HDAC4: variants seen among roughly 807,000 people sequenced by gnomAD.
The protein encoded by HDAC4 is histone deacetylase A.
Under a neutral mutation model 135.1 loss-of-function variants are expected in HDAC4, and 16 were observed. The ratio of observed to expected loss-of-function variants is 0.12; its 90% CI spans 0.08 to 0.18. The LOEUF is 0.18. HDAC4 is among the 10% of genes least tolerant of loss of function. The probability of loss-of-function intolerance (pLI) is 1.00; values close to 1 mark genes in which losing one functional copy is unlikely to be tolerated. For synonymous variants in HDAC4, 685 were observed against 653.4 expected, an observed-to-expected ratio of 1.05 and a Z score of -0.74; for missense variants, 1,143 against 1,511.8, an observed-to-expected ratio of 0.76 and a Z score of 4.05.
intron 2 of HDAC4, among the ~76,000 whole-genome samples, chr2:239,330,151 G>A (rs901327682): frequency 1.1e-4 from 17 of 152,254 alleles, no homozygotes; most frequent in African/African-American, 2.9e-4. Context: ...GCCGGAGGCC[G>A]TATGCAGGCC....
At chr2:239,186,302 T>C (rs966460307) in intron 4 of HDAC4, among the ~76,000 whole-genome samples, 5 of 152,250 alleles carry the variant, frequency 3.3e-5, no homozygotes, top group African/African-American at 1.2e-4. Context: ...AATTCACTGA[T>C]GATTTAATGA....
intron 2 of HDAC4, among the ~76,000 whole-genome samples, chr2:239,269,394 T>C (rs1347823973): frequency 1.3e-5 from 2 of 152,120 alleles, no homozygotes; most frequent in Non-Finnish European, 2.9e-5. Flanking sequence ...ATATTGTACA[T>C]TGTCTGTGTG....
chr2:239,089,904 G>A (rs2036342511), intron 18 of HDAC4, 105 bp downstream of exon 18: 2 of 847,996 alleles, frequency 2.4e-6, no homozygotes, highest in South Asian at 1.3e-5. Flanking sequence ...CATCACAGCC[G>A]CCTCCCAGCC....
Position 239,068,082 on chromosome 2 carries a change from C to G in HDAC4, c.2869+407G>C, listed in dbSNP as rs1015154998. Among the ~76,000 whole-genome samples the G allele has an allele frequency of 6.6e-6, 1 of 152,220 alleles. No individual in the cohort carries two copies. Among genetic ancestry groups the G allele is most frequent in the Non-Finnish European group, 1.5e-5 (1 of 68,038 alleles). ...ACATCCTGGGCTCCCTCATCCAACT[C>G]TGAACTCAACTGTGCCCCCAGCAAC... On this transcript the variant is annotated intron_variant, in intron 23 of 26. Transcript: ENST00000543185. This position sits in a 1 kb window ranked among gnomAD's most constrained non-coding sequence, Gnocchi z 4.4.
In HDAC4 at chr2:239,081,146, G is replaced by C. The variant is rs752565391; in HGVS notation, c.2699C>G (p.Thr900Ser). 1 of 1,614,052 alleles carries C rather than the reference G, an allele frequency of 6.2e-7. No individual in the cohort carries two copies. Among genetic ancestry groups the C allele is most frequent in the Non-Finnish European group, 8.5e-7 (1 of 1,180,040 alleles). Residue 900 changes from threonine (T) to serine (S), a missense_variant, in exon 22 of 27, where the codon ACC becomes AGC. Physicochemically the swap from Thr to Ser is moderately conservative, Grantham distance 58. Around this residue, in one of 9 missense-constraint regions of HDAC4, gnomAD observed 189 missense variants for 317.6 expected, o/e 0.60. Coordinates refer to ENST00000543185, the MANE Select transcript of HDAC4 (RefSeq NM_001378414.1). The part of the protein sequence containing the change: ...GVGFNVNMAF[T>S]GGLDPPMGDA... ...TCCCATGGGGGGGTCCAGGCCGCCG[G>C]TGAAAGCCATGTTGACGTTGAAACC...
chr2:239,144,600 C>T lies in HDAC4; in HGVS notation c.848G>A (p.Arg283His), dbSNP rs115358346. 1.6e-5 allele frequency: 26 copies of T among 1,613,986 alleles called. No homozygotes were observed. Among genetic ancestry groups the T allele is most frequent in the African/African-American group, 6.7e-5 (5 of 74,938 alleles). Residue 283 changes from arginine (R) to histidine (H), a missense_variant, in exon 8 of 27, where the codon CGT becomes CAT. By Grantham distance (29) the Arg-to-His change is conservative. This residue lies in a region of HDAC4 where 272 missense variants were observed against 309.7 expected (regional missense o/e 0.88). Transcript: ENST00000543185. ...CGACATACCTGTGACATCCAACGGA[C>T]GCTTTTTTAGAGCAGTGACCACTGG... Reference protein sequence around the residue: ...DGPVVTALKKRPLDVTDSACS... With the variant: ...DGPVVTALKKHPLDVTDSACS...
chr2:239,165,590 C>T (rs538036791), intron 5 of HDAC4, among the ~76,000 whole-genome samples: 150 of 152,228 alleles, frequency 9.9e-4, no homozygotes, highest in African/African-American at 3.4e-3. Flanking sequence ...CCTGGTTCGG[C>T]CTCGCATGAG....
chr2:239,263,088 G>A (rs1437330485), intron 2 of HDAC4, among the ~76,000 whole-genome samples: 2 of 152,150 alleles, frequency 1.3e-5, no homozygotes, highest in Non-Finnish European at 2.9e-5. Flanking sequence ...CTGCTGCGGC[G>A]GTGACACAGG....
At chr2:239,327,143 G>A (rs1287964239) in intron 2 of HDAC4, among the ~76,000 whole-genome samples, 3 of 152,240 alleles carry the variant, frequency 2.0e-5, no homozygotes, top group African/African-American at 7.2e-5. Flanking sequence ...AAGAGCCTGG[G>A]GTCAGAAGGC....
At chr2:239,174,359 G>C (rs1034527861) in intron 5 of HDAC4, among the ~76,000 whole-genome samples, 71 of 152,046 alleles carry the variant, frequency 4.7e-4, no homozygotes, top group African/African-American at 1.6e-3. Context: ...AAATGGGCAA[G>C]AGACTGGAAC....
At chr2:239,260,156 C>T (rs192023749) in intron 2 of HDAC4, among the ~76,000 whole-genome samples, 59 of 152,318 alleles carry the variant, frequency 3.9e-4, no homozygotes, top group Non-Finnish European at 7.6e-4. Context: ...TCCCATCCAA[C>T]GGAAGCCCCT....
intron 2 of HDAC4, among the ~76,000 whole-genome samples, chr2:239,321,897 GTTC>G (rs2053328989): frequency 1.3e-5 from 2 of 152,170 alleles, no homozygotes; most frequent in South Asian, 4.1e-4. Flanking sequence ...AGTCGTCCAG[GTTC>G]TTGACATGTT....
chr2:239,324,865 A>G (rs2053424488), intron 2 of HDAC4, among the ~76,000 whole-genome samples: 1 of 152,206 alleles, frequency 6.6e-6, no homozygotes, highest in Non-Finnish European at 1.5e-5. Context: ...CTGGCTTAGG[A>G]AGAGCAGAGT....
At chr2:239,094,098 C>T (rs1052814577) in intron 17 of HDAC4, 29 of 985,342 alleles carry the variant, frequency 2.9e-5, no homozygotes, top group African/African-American at 1.9e-4. Flanking sequence ...TGCACCGTTT[C>T]GGCTGCAGCG....
intron 4 of HDAC4, among the ~76,000 whole-genome samples, chr2:239,182,404 A>C (rs896745936): frequency 9.2e-5 from 14 of 152,220 alleles, no homozygotes; most frequent in African/African-American, 3.4e-4. Flanking sequence ...TGTCAGCCAG[A>C]ACCCAGAGGG....
At chr2:239,099,198 C>A (rs963898544) in intron 16 of HDAC4, among the ~76,000 whole-genome samples, 7 of 152,212 alleles carry the variant, frequency 4.6e-5, no homozygotes, top group Non-Finnish European at 8.8e-5. Flanking sequence ...CTCCATCCTC[C>A]GCCCACTGAA....
At chr2:239,260,081 C>T (rs774202923) in intron 2 of HDAC4, among the ~76,000 whole-genome samples, 5 of 152,242 alleles carry the variant, frequency 3.3e-5, no homozygotes, top group South Asian at 4.1e-4. Context: ...CATGCCAGGC[C>T]GCCACCTCTA....
chr2:239,242,276 G>T (rs1469768977), intron 2 of HDAC4, among the ~76,000 whole-genome samples: 1 of 151,840 alleles, frequency 6.6e-6, no homozygotes, highest in African/African-American at 2.4e-5. Flanking sequence ...CAGTGCCTGG[G>T]ATTGCACTGC....
chr2:239,106,206 G>A (rs1301105949), intron 15 of HDAC4, among the ~76,000 whole-genome samples: 7 of 152,190 alleles, frequency 4.6e-5, no homozygotes, highest in African/African-American at 9.7e-5. Flanking sequence ...GAGGGCGGGC[G>A]GAGGAGCGGG....
Sources: allele counts gnomAD v4.1 joint callset (sites outside exome capture counted in the v4.1 genomes callset), GRCh38; gene constraint gnomAD v4.1.1; regional missense constraint gnomAD v4.1.1; non-coding constraint Gnocchi (gnomAD v3.1); transcripts MANE v1.5; gene names NCBI Gene and HGNC (gene_info 2026-07-23, HGNC 2026-07-21).